SCG5: variants seen among roughly 807,000 people sequenced by gnomAD.
SCG5 encodes the protein neuroendocrine protein 7B2.
In SCG5, 18 loss-of-function variants were observed where a neutral mutation model predicts 25.7. The ratio of observed to expected loss-of-function variants is 0.70; its 90% CI spans 0.48 to 1.04. The LOEUF is 1.04. Ranked by LOEUF, SCG5 falls within the 50% of genes least tolerant of loss-of-function variation. The pLI, the probability that SCG5 is intolerant of heterozygous loss-of-function variation, is 0.00. For synonymous variants in SCG5, 101 were observed against 91.7 expected (o/e 1.10, Z -0.58); for missense variants, 206 against 259.8 (o/e 0.79, Z 1.42).
chr15:32,649,885 A>G (rs2140504023), intron 2 of SCG5, among the ~76,000 whole-genome samples: 1 of 152,324 alleles, frequency 6.6e-6, no homozygotes, highest in African/African-American at 2.4e-5. Flanking sequence ...TTCTAAGCCT[A>G]GTTCTCTCAA....
chr15:32,646,629 T>C (rs889553697), intron 2 of SCG5, among the ~76,000 whole-genome samples: 2 of 152,256 alleles, frequency 1.3e-5, no homozygotes, highest in African/African-American at 2.4e-5. Context: ...CCTAGAATTG[T>C]ATACTATAGC....
At chr15:32,684,694 A>G in intron 4 of SCG5, 25 bp downstream of exon 4, 1 of 1,531,932 alleles carries the variant, frequency 6.5e-7, no homozygotes, top group Non-Finnish European at 9.0e-7. Flanking sequence ...AATTGTTAGT[A>G]GATTTTGCAC....
intron 2 of SCG5, chr15:32,656,261 G>C (rs934034726): frequency 3.3e-5 from 5 of 152,136 alleles, no homozygotes; most frequent in African/African-American, 1.2e-4. Context: ...TTCAAGCTGG[G>C]ACCTTGTTTC....
At chr15:32,651,104 C>A (rs2054024955) in intron 2 of SCG5, among the ~76,000 whole-genome samples, 1 of 152,272 alleles carries the variant, frequency 6.6e-6, no homozygotes, top group East Asian at 1.9e-4. Context: ...GAGGCTGAGG[C>A]AGGAGAATCG....
intron 2 of SCG5, among the ~76,000 whole-genome samples, chr15:32,648,785 A>ATTTT (rs1263631676): frequency 0.017 from 2,406 of 139,998 alleles, 65 homozygotes; most frequent in Admixed American, 0.054. Flanking sequence ...TTTTTTTTTA[A>ATTTT]AAAAAAAACA....
intron 2 of SCG5, among the ~76,000 whole-genome samples, chr15:32,674,034 T>C (rs944714146): frequency 6.6e-6 from 1 of 152,196 alleles, no homozygotes; most frequent in Non-Finnish European, 1.5e-5. Flanking sequence ...AATATAGTTT[T>C]ATATCCGAAT....
Position 32,696,451 on chromosome 15 carries a change from T to C in SCG5, c.544-63T>C, listed in dbSNP as rs1442065539. On this transcript the variant is annotated intron_variant, in intron 5 of 5. Transcript: ENST00000300175. The stretch of plus-strand genomic sequence containing the variant: ...ATTCTTGTTCATTTCTTTTCTGAGA[T>C]GTCTGTATCTGATGTTCACATATAA... The C allele has an allele frequency of 3.5e-6, 4 of 1,135,694 alleles. No homozygotes were observed. The East Asian group carries it at 9.7e-5, about 28-fold the overall frequency. 70.4% of individuals were successfully genotyped at this position (1,135,694 alleles called of 1,614,324 possible).
chr15:32,658,600 T>A (rs2054163901), intron 2 of SCG5, among the ~76,000 whole-genome samples: 1 of 152,204 alleles, frequency 6.6e-6, no homozygotes, highest in South Asian at 2.1e-4. Flanking sequence ...GCACATGGTC[T>A]ATATTACTCA....
At chr15:32,663,076 T>TATATAA (rs2054260876) in intron 2 of SCG5, among the ~76,000 whole-genome samples, 1 of 57,090 alleles carries the variant, frequency 1.8e-5, no homozygotes, top group Non-Finnish European at 4.0e-5. Flanking sequence ...TATATATATA[T>TATATAA]ATAATATATA....
chr15:32,690,806 GT>G lies in SCG5; in HGVS notation c.490-892del, dbSNP rs999024978. Among the ~76,000 whole-genome samples, 163 of 141,938 alleles carry G rather than the reference GT, an allele frequency of 1.1e-3. 1 individual carries two copies. The highest frequency in any genetic ancestry group is 0.011 in the South Asian group (48 of 4,448). The allele number at this position is 141,938 out of a possible 152,430, so 93.1% of individuals were successfully genotyped here. ...TTACCAGAACTCTGTGGTTGTCTTT[GT>G]TTTTTTTTTTTCTTAATGTCAGAGT... On this transcript the variant is annotated intron_variant, in intron 4 of 5. Transcript: ENST00000300175.
At position 32,670,691 on chromosome 15, in the gene SCG5, G is replaced by A. The variant is rs2054405466; in HGVS notation, c.227-9075G>A. ...CTTCCACCAGGCACAAACATCAGAT[G>A]TGTGTTTATGTGGACATATTTTGTC... On this transcript the variant is annotated intron_variant, in intron 2 of 5. Coordinates refer to ENST00000300175, the MANE Select transcript of SCG5 (RefSeq NM_001144757.3). Among the ~76,000 whole-genome samples, 3 of 152,234 alleles carry A rather than the reference G, an allele frequency of 2.0e-5. No individual in the cohort carries two copies. In the South Asian group the frequency reaches 6.2e-4, roughly 31 times the overall value.
At chr15:32,667,873 C>T (rs760276839) in intron 2 of SCG5, among the ~76,000 whole-genome samples, 1 of 152,096 alleles carries the variant, frequency 6.6e-6, no homozygotes, top group Non-Finnish European at 1.5e-5. Flanking sequence ...TGGGGTTTCA[C>T]CATGTTGGCC....
At chr15:32,642,690 T>C (rs2053884764) in intron 1 of SCG5, among the ~76,000 whole-genome samples, 1 of 148,500 alleles carries the variant, frequency 6.7e-6, no homozygotes, top group Non-Finnish European at 1.5e-5. Flanking sequence ...TTTGCAGACA[T>C]ACCCATAGAA....
At chr15:32,666,243 A>T (rs906479493) in intron 2 of SCG5, 1 of 152,256 alleles carries the variant, frequency 6.6e-6, no homozygotes, top group African/African-American at 2.4e-5. Context: ...ATGCACATAC[A>T]TACTTTATTT....
intron 1 of SCG5, among the ~76,000 whole-genome samples, chr15:32,642,211 T>C (rs1160912290): frequency 2.0e-5 from 3 of 151,920 alleles, no homozygotes; most frequent in Non-Finnish European, 2.9e-5. Flanking sequence ...GTAAAGGAAA[T>C]GCACGATTTT....
intron 1 of SCG5, 92 bp from the exon 2 acceptor site, chr15:32,643,494 A>G: frequency 9.3e-7 from 1 of 1,071,710 alleles, no homozygotes. Context: ...GTGGTCCTCG[A>G]ACCACAACCT....
chr15:32,691,700 C>T lies in SCG5; in HGVS notation c.490-10C>T. ...TCTGCATTTTTTGTTTTCTTTTCTCCCCATTCTAGAACAAGAAACTCCTTT... is the reference window on the plus strand; with the variant it reads ...TCTGCATTTTTTGTTTTCTTTTCTCTCCATTCTAGAACAAGAAACTCCTTT... On this transcript the variant is annotated splice_polypyrimidine_tract_variant and intron_variant, in intron 4 of 5. Transcript: ENST00000300175. The T allele has an allele frequency of 6.3e-7, 1 of 1,597,972 alleles. No individual in the cohort carries two copies. Among genetic ancestry groups the T allele is most frequent in the Non-Finnish European group, 8.5e-7 (1 of 1,172,424 alleles).
chr15:32,671,515 C>T (rs571247265), intron 2 of SCG5, among the ~76,000 whole-genome samples: 9 of 152,268 alleles, frequency 5.9e-5, no homozygotes, highest in African/African-American at 2.2e-4. Flanking sequence ...CTCTCCTGCT[C>T]TTTCTCTTTG....
At chr15:32,676,050 A>G (rs2054525332) in intron 2 of SCG5, among the ~76,000 whole-genome samples, 2 of 152,192 alleles carry the variant, frequency 1.3e-5, no homozygotes, top group African/African-American at 4.8e-5. Context: ...GAACCAGATA[A>G]CTGCATTTGG....
Sources: allele counts gnomAD v4.1 joint callset (sites outside exome capture counted in the v4.1 genomes callset), GRCh38; gene constraint gnomAD v4.1.1; transcripts MANE v1.5; gene names NCBI Gene and HGNC (gene_info 2026-07-23, HGNC 2026-07-21).